CDH18: variants seen among roughly 807,000 people sequenced by gnomAD.
CDH18 encodes the protein cadherin 18, also known as cadherin-18.
CDH18 carries 31 observed loss-of-function variants against 67.9 expected under a neutral mutation model. The ratio of observed to expected loss-of-function variants is 0.46; its 90% confidence interval spans 0.34 to 0.62. The LOEUF is 0.62. Ranked by LOEUF, CDH18 falls within the 20% of genes least tolerant of loss-of-function variation. The probability of loss-of-function intolerance (pLI) is 0.01; values close to 1 mark genes in which losing one functional copy is unlikely to be tolerated. For missense variants in CDH18, 890 were observed against 975.5 expected, an observed-to-expected ratio of 0.91 and a Z score of 1.17; for synonymous variants, 362 against 347.2, an observed-to-expected ratio of 1.04 and a Z score of -0.48.
At chr5:20,143,456 C>A (rs557407014) in intron 2 of CDH18, among the ~76,000 whole-genome samples, 2 of 152,050 alleles carry the variant, frequency 1.3e-5, no homozygotes, top group African/African-American at 4.8e-5. Context: ...CAGCCTCAAA[C>A]TCCTGGGCTC....
chr5:19,907,414 T>A (rs1790656749), intron 2 of CDH18, among the ~76,000 whole-genome samples: 1 of 152,026 alleles, frequency 6.6e-6, no homozygotes, highest in Admixed American at 6.6e-5. Flanking sequence ...CATTTATGTT[T>A]TCTATACACC....
At chr5:20,396,773 T>C (rs1745315672) in intron 1 of CDH18, among the ~76,000 whole-genome samples, 1 of 152,158 alleles carries the variant, frequency 6.6e-6, no homozygotes, top group Non-Finnish European at 1.5e-5. Flanking sequence ...TTTCTTGCTT[T>C]CCATTTACTA....
At chr5:19,489,405 A>G (rs1467598892) in intron 11 of CDH18, among the ~76,000 whole-genome samples, 8 of 151,224 alleles carry the variant, frequency 5.3e-5, no homozygotes, top group Admixed American at 6.6e-5. Context: ...CCGCCACCAC[A>G]CCTGGCTAAT....
At chr5:20,368,437 T>G (rs1742695968) in intron 1 of CDH18, among the ~76,000 whole-genome samples, 1 of 152,136 alleles carries the variant, frequency 6.6e-6, no homozygotes, top group South Asian at 2.1e-4. Flanking sequence ...CCAGCAAAAT[T>G]GACACAATTC....
At chr5:20,117,009 ATGTGTGTGTGTGTGTGTGTGAGTGTGTG>A (rs1043146325) in intron 2 of CDH18, among the ~76,000 whole-genome samples, 1 of 149,032 alleles carries the variant, frequency 6.7e-6, no homozygotes. Flanking sequence ...GGAGAGATAA[ATGTGTGTGTGTGTGTGTGTGAGTGTGTG>A]TGTGTGTGTG....
At chr5:20,299,575 A>G (rs187760567) in intron 1 of CDH18, among the ~76,000 whole-genome samples, 34 of 152,072 alleles carry the variant, frequency 2.2e-4, no homozygotes, top group Non-Finnish European at 4.4e-4. Flanking sequence ...CCTGGCCAAT[A>G]TGGTGAAACC....
In CDH18 at chr5:19,918,471, A is replaced by G. The variant is rs370539832; in HGVS notation, c.-257+62589T>C. Among the ~76,000 whole-genome samples, 9 of 152,322 alleles carry G rather than the reference A, an allele frequency of 5.9e-5. No homozygotes were observed. In the East Asian group the frequency reaches 7.7e-4, roughly 13 times the overall value. On this transcript the variant is annotated intron_variant, in intron 2 of 12. Transcript: ENST00000382275. The stretch of plus-strand genomic sequence containing the variant: ...CGCCACAACAATTTCTCTGCAAATG[A>G]ATAAACATAATTCATCATGACATCA...
chr5:20,100,533 T>G (rs1746364233), intron 2 of CDH18, among the ~76,000 whole-genome samples: 1 of 152,206 alleles, frequency 6.6e-6, no homozygotes, highest in African/African-American at 2.4e-5. Flanking sequence ...TCTCTGGAAG[T>G]TTATCGGTTG....
chr5:20,180,524 C>A (rs1014605451), intron 2 of CDH18, among the ~76,000 whole-genome samples: 1 of 152,130 alleles, frequency 6.6e-6, no homozygotes, highest in Non-Finnish European at 1.5e-5. Context: ...ATTGTAAATT[C>A]TTATCTCTGT....
chr5:19,712,704 G>A (rs1223152261), intron 5 of CDH18, among the ~76,000 whole-genome samples: 2 of 149,820 alleles, frequency 1.3e-5, no homozygotes, highest in Admixed American at 6.7e-5. Flanking sequence ...CTACATATAT[G>A]TATATATAAT....
chr5:20,122,860 G>A (rs1748484555), intron 2 of CDH18, among the ~76,000 whole-genome samples: 1 of 147,434 alleles, frequency 6.8e-6, no homozygotes, highest in African/African-American at 2.5e-5. Flanking sequence ...TAACATGTCT[G>A]AAAGAAATTT....
chr5:20,194,650 T>C (rs1738821257), intron 2 of CDH18, among the ~76,000 whole-genome samples: 1 of 109,378 alleles, frequency 9.1e-6, no homozygotes, highest in Non-Finnish European at 1.8e-5. Flanking sequence ...TTCTGAAACT[T>C]TGAAGTAATT....
At chr5:20,172,317 CCA>C (rs1736900833) in intron 2 of CDH18, among the ~76,000 whole-genome samples, 1 of 145,234 alleles carries the variant, frequency 6.9e-6, no homozygotes, top group Non-Finnish European at 1.5e-5. Context: ...ATCTACATTA[CCA>C]GTACATATTC....
chr5:19,741,037 G>A (rs1291100743), intron 4 of CDH18, among the ~76,000 whole-genome samples: 1 of 150,520 alleles, frequency 6.6e-6, no homozygotes, highest in Non-Finnish European at 1.5e-5. Flanking sequence ...ATGTTATAAT[G>A]CCATTCTGTT....
intron 3 of CDH18, among the ~76,000 whole-genome samples, chr5:19,818,804 C>A (rs1779556868): frequency 6.6e-6 from 1 of 152,166 alleles, no homozygotes; most frequent in Non-Finnish European, 1.5e-5. Flanking sequence ...ATCATATATT[C>A]TTTCCATAGT....
In CDH18 at chr5:19,996,036, T is replaced by C. The variant is rs186349066; in HGVS notation, c.-517-4022A>G. Among the ~76,000 whole-genome samples, 263 of 152,288 alleles carry C rather than the reference T, an allele frequency of 1.7e-3. 2 individuals carry two copies. Among genetic ancestry groups the C allele is most frequent in the Non-Finnish European group, 8.5e-4 (58 of 68,000 alleles). On this transcript the variant is annotated intron_variant, in intron 2 of 14. Transcript: ENST00000507958. ...AGGCAAATGTTCAAAATCATTTTAA[T>C]GACTTTTGTTCACAAAAAAGGGTTA... is the stretch of plus-strand genomic sequence containing the variant.
At chr5:20,252,149 C>T (rs764088000) in intron 2 of CDH18, among the ~76,000 whole-genome samples, 8 of 151,682 alleles carry the variant, frequency 5.3e-5, no homozygotes, top group South Asian at 2.1e-4. Flanking sequence ...GTCAAGAGAT[C>T]GAGATCATCC....
chr5:20,051,311 T>A (rs911255480), intron 2 of CDH18, among the ~76,000 whole-genome samples: 1 of 151,950 alleles, frequency 6.6e-6, no homozygotes, highest in Admixed American at 6.6e-5. Context: ...ACAAACTACA[T>A]GTATGTGGAT....
At chr5:20,450,512 T>C (rs554944548) in intron 1 of CDH18, among the ~76,000 whole-genome samples, 15 of 152,262 alleles carry the variant, frequency 9.9e-5, no homozygotes, top group African/African-American at 3.6e-4. Context: ...TAATGCATTT[T>C]CTACCAATGC....
Sources: allele counts gnomAD v4.1 joint callset (sites outside exome capture counted in the v4.1 genomes callset), GRCh38; gene constraint gnomAD v4.1.1; transcripts MANE v1.5; gene names NCBI Gene and HGNC (gene_info 2026-07-23, HGNC 2026-07-21).